PDE4D: variants seen among roughly 807,000 people sequenced by gnomAD.
PDE4D encodes phosphodiesterase 4D.
In PDE4D, 24 loss-of-function variants were observed where a neutral mutation model predicts 87.4. The ratio of observed to expected loss-of-function variants is 0.27; its 90% CI spans 0.20 to 0.39. The LOEUF (loss-of-function observed/expected upper bound fraction) is 0.39. Among genes scored for constraint, PDE4D ranks in the 10% least tolerant of loss-of-function variants. The probability of loss-of-function intolerance (pLI) is 1.00; values close to 1 mark genes in which losing one functional copy is unlikely to be tolerated. For missense variants in PDE4D, 714 were observed against 1,041.0 expected, an observed-to-expected ratio of 0.69 and a Z score of 4.32; for synonymous variants, 384 against 383.2, an observed-to-expected ratio of 1.00 and a Z score of -0.02.
At chr5:60,071,887 A>G (rs1772759017) in intron 2 of PDE4D, among the ~76,000 whole-genome samples, 1 of 152,152 alleles carries the variant, frequency 6.6e-6, no homozygotes, top group Admixed American at 6.6e-5. Context: ...GCCATGGAGT[A>G]TATGTGCCAC....
At chr5:59,237,753 A>G (rs1031882205) in intron 1 of PDE4D, among the ~76,000 whole-genome samples, 6 of 149,404 alleles carry the variant, frequency 4.0e-5, no homozygotes, top group Non-Finnish European at 8.9e-5. Flanking sequence ...CTTCTTTATC[A>G]CATGGGGAAA....
intron 1 of PDE4D, among the ~76,000 whole-genome samples, chr5:59,774,830 G>A (rs931603097): frequency 6.6e-6 from 1 of 152,078 alleles, no homozygotes; most frequent in African/African-American, 2.4e-5. Flanking sequence ...GAGTAGCTGG[G>A]ATTACAGGCA....
At chr5:59,880,208 C>T (rs1051686095) in intron 1 of PDE4D, among the ~76,000 whole-genome samples, 45 of 152,134 alleles carry the variant, frequency 3.0e-4, no homozygotes, top group African/African-American at 1.0e-3. Flanking sequence ...TGGGCTCAAG[C>T]GATCCTCCTA....
In PDE4D at chr5:59,673,198, G is replaced by A. The variant is rs576330825; in HGVS notation, c.455+219970C>T. Among the ~76,000 whole-genome samples, 7 of 152,222 alleles carry A rather than the reference G, an allele frequency of 4.6e-5. No homozygotes were observed. In the South Asian group the frequency reaches 1.4e-3, roughly 32 times the overall value. On this transcript the variant is annotated intron_variant, in intron 1 of 14. Coordinates refer to ENST00000340635, the MANE Select transcript of PDE4D (RefSeq NM_001104631.2). The stretch of plus-strand genomic sequence containing the variant: ...TGATGGAACAGTAAATGGCCCAACT[G>A]TTTGCCTAAGACTAGGCAGAATGCA...
chr5:59,441,788 T>C (rs1366054030), intron 1 of PDE4D, among the ~76,000 whole-genome samples: 1 of 152,250 alleles, frequency 6.6e-6, no homozygotes, highest in East Asian at 1.9e-4. Context: ...TCATTTTTAT[T>C]AGCAAGCTTA....
At chr5:59,419,026 G>A (rs1355912905) in intron 1 of PDE4D, among the ~76,000 whole-genome samples, 1 of 152,148 alleles carries the variant, frequency 6.6e-6, no homozygotes, top group African/African-American at 2.4e-5. Flanking sequence ...ATCAGTTGAT[G>A]TGATAGTCAA....
chr5:58,976,495 TAAG>T, intron 12 of PDE4D, 23 bp from the exon 13 acceptor site: 1 of 1,509,628 alleles, frequency 6.6e-7, no homozygotes, highest in Non-Finnish European at 9.0e-7. Context: ...AGTATATTAT[TAAG>T]TTCAGAGAAA....
At chr5:59,986,564 G>A (rs1762475748) in intron 3 of PDE4D, 1 of 152,170 alleles carries the variant, frequency 6.6e-6, no homozygotes. Flanking sequence ...TCTTCCACAA[G>A]TGTGAAGAAA....
At chr5:59,625,863 A>G (rs1236261945) in intron 1 of PDE4D, among the ~76,000 whole-genome samples, 1 of 152,128 alleles carries the variant, frequency 6.6e-6, no homozygotes, top group Admixed American at 6.5e-5. Context: ...GGCGGATCAC[A>G]AGATCAGGAG....
rs193189134 is a variant in PDE4D at position 59,823,473 on chromosome 5, C to T, written c.455+69695G>A. 1.6e-3 allele frequency among the ~76,000 whole-genome samples: 242 copies of T among 152,260 alleles called. 2 individuals are homozygous for T. Among genetic ancestry groups the T allele is most frequent in the Middle Eastern group, 6.8e-3 (2 of 294 alleles). ...GCAAAGCTTTAGCCAAGAGAGGAGT[C>T]GACCAGCTTGGCAGCCTCTCCTTTC... On this transcript the variant is annotated intron_variant, in intron 1 of 14. Transcript: ENST00000340635.
chr5:59,774,428 T>A (rs1479168493), intron 1 of PDE4D, among the ~76,000 whole-genome samples: 1 of 152,176 alleles, frequency 6.6e-6, no homozygotes, highest in Non-Finnish European at 1.5e-5. Flanking sequence ...ACAGTTTTTT[T>A]AAGAGTTTCT....
intron 5 of PDE4D, among the ~76,000 whole-genome samples, chr5:59,054,814 C>G (rs1762110596): frequency 6.6e-6 from 1 of 151,752 alleles, no homozygotes; most frequent in African/African-American, 2.4e-5. Context: ...TGAAATCTAC[C>G]AATTGGTTTG....
intron 1 of PDE4D, among the ~76,000 whole-genome samples, chr5:59,862,309 T>C (rs1746400433): frequency 6.6e-6 from 1 of 152,154 alleles, no homozygotes. Context: ...TCCAAAATAA[T>C]GCTTGCTTAA....
chr5:60,407,602 G>A (rs1401674639), intron 1 of PDE4D, among the ~76,000 whole-genome samples: 2 of 150,960 alleles, frequency 1.3e-5, no homozygotes, highest in African/African-American at 2.4e-5. Flanking sequence ...GCAGGCGCAC[G>A]GCACCACACC....
intron 1 of PDE4D, among the ~76,000 whole-genome samples, chr5:60,268,303 C>T (rs17376863): frequency 0.022 from 3,279 of 152,266 alleles, 82 homozygotes; most frequent in African/African-American, 0.067. Context: ...TAATGGGAGG[C>T]GCACATTTTA....
intron 1 of PDE4D, among the ~76,000 whole-genome samples, chr5:60,219,667 C>T (rs528046967): frequency 1.3e-5 from 2 of 152,284 alleles, no homozygotes; most frequent in East Asian, 3.9e-4. Flanking sequence ...TCTTGAGTTA[C>T]GTTTTGAAAT....
intron 1 of PDE4D, among the ~76,000 whole-genome samples, chr5:59,873,158 A>C (rs535505996): frequency 1.0e-3 from 154 of 152,360 alleles, no homozygotes; most frequent in African/African-American, 3.6e-3. Flanking sequence ...ATTAAGTCTA[A>C]TTCCAATTCT....
chr5:59,690,031 A>G (rs999851610), intron 1 of PDE4D, among the ~76,000 whole-genome samples: 37 of 152,316 alleles, frequency 2.4e-4, no homozygotes, highest in African/African-American at 7.5e-4. Context: ...GACCTCTTCA[A>G]GGAGAATTAC....
chr5:60,506,583 G>A (rs1365674002), intron 1 of PDE4D, among the ~76,000 whole-genome samples: 1 of 152,020 alleles, frequency 6.6e-6, no homozygotes. Flanking sequence ...AAGAAAAGCA[G>A]ACAGAATTTA....
Sources: gnomAD v4.1 joint callset for allele counts (sites outside exome capture counted in the v4.1 genomes callset) on GRCh38, gnomAD v4.1.1 for gene constraint, MANE v1.5 for transcripts, NCBI Gene and HGNC (gene_info 2026-07-23, HGNC 2026-07-21) for gene names.